RNF17: variants seen among roughly 807,000 people sequenced by gnomAD.
The protein encoded by RNF17 is ring finger protein 17.
In RNF17, 31 loss-of-function variants were observed where a neutral mutation model predicts 200.5. The observed-to-expected ratio is 0.15, with a 90% CI of 0.12 to 0.21. The LOEUF is 0.21. Ranked by LOEUF, RNF17 falls within the 10% of genes least tolerant of loss-of-function variation. The pLI, the probability that RNF17 is intolerant of heterozygous loss-of-function variation, is 1.00. For missense variants in RNF17, 1,628 were observed against 1,905.1 expected, an observed-to-expected ratio of 0.85 and a Z score of 2.71; for synonymous variants, 606 against 637.8, an observed-to-expected ratio of 0.95 and a Z score of 0.75.
At chr13:24,748,458 T>C in the RNF17 span, among the ~76,000 whole-genome samples, 1 of 152,254 alleles carries the variant, frequency 6.6e-6, no homozygotes, top group Non-Finnish European at 1.5e-5. Context: ...ATAGTGAATG[T>C]TCAAGACAAA....
chr13:24,757,458 G>A, the RNF17 span, among the ~76,000 whole-genome samples: 1 of 151,986 alleles, frequency 6.6e-6, no homozygotes, highest in African/African-American at 2.4e-5. Context: ...TGAGTAGGTG[G>A]GACTACAGGT....
rs766558001 is a variant in RNF17, at chr13:24,854,013, A to G, written c.3479A>G (p.Gln1160Arg). ...IISEQKVSEF[Q>R]EKILEPRTTR... ...AGTGAACAGAAAGTGTCTGAATTTC[A>G]GGAGAAAATTCTAGAACCAAGAACC... The change falls in exon 25 of 36, where the codon CAG becomes CGG. Residue 1160 changes from glutamine (Q) to arginine (R), a missense_variant. Gln to Arg is a conservative substitution (Grantham distance 43, BLOSUM62 1). This residue lies in a region of RNF17 where 609 missense variants were observed against 681.9 expected (regional missense o/e 0.89). Transcript: ENST00000255324. The G allele has an allele frequency of 2.5e-6, 4 of 1,614,052 alleles. No homozygotes were observed. In the African/African-American group the frequency reaches 4.0e-5, roughly 16 times the overall value.
At chr13:24,836,125 C>G (rs1436274625) in intron 18 of RNF17, among the ~76,000 whole-genome samples, 1 of 152,170 alleles carries the variant, frequency 6.6e-6, no homozygotes, top group Non-Finnish European at 1.5e-5. Context: ...AAAATATGAA[C>G]AAAGCCTCCA....
Position 24,864,912 on chromosome 13 carries a change from C to A in RNF17, c.4015C>A (p.Leu1339Ile). The change falls in exon 29 of 36, where the codon CTC becomes ATC. Residue 1339 changes from leucine to isoleucine, a missense_variant. By Grantham distance (5) the Leu-to-Ile change is conservative. Around this residue, in one of 5 missense-constraint regions of RNF17, gnomAD observed 609 missense variants for 681.9 expected, o/e 0.89. Transcript: ENST00000255324. ...TCCATGGGAGAAATTGTCTATTCAC[C>A]TCTATTTTGATGGAATGTCACTTTC... Reference protein sequence around the residue: ...KNPWEKLSIHLYFDGMSLSYF... With the variant: ...KNPWEKLSIHIYFDGMSLSYF... 1 of 1,561,470 alleles carries A rather than the reference C, an allele frequency of 6.4e-7. No individual in the cohort carries two copies. The highest frequency in any genetic ancestry group is 8.7e-7 in the Non-Finnish European group (1 of 1,143,922).
chr13:24,775,285 G>A (rs900802222), intron 3 of RNF17, among the ~76,000 whole-genome samples: 1 of 152,158 alleles, frequency 6.6e-6, no homozygotes, highest in African/African-American at 2.4e-5. Context: ...GTCTCACTCT[G>A]TCACCCAGGC....
chr13:24,799,313 G>C (rs1884969237), intron 11 of RNF17, 82 bp from the exon 12 acceptor site: 8 of 1,038,130 alleles, frequency 7.7e-6, no homozygotes, highest in Middle Eastern at 3.0e-4. Flanking sequence ...ACTTTTTCGT[G>C]GTAGAACTAA....
chr13:24,881,921 T>G (rs199857482), downstream of RNF17, among the ~76,000 whole-genome samples: 337 of 43,040 alleles, frequency 7.8e-3, 15 homozygotes, highest in African/African-American at 0.018. Flanking sequence ...GATACATCTA[T>G]ATAGATATAT....
chr13:24,882,187 GATAT>G (rs1439669811), downstream of RNF17: 264 of 8,944 alleles, frequency 0.03, 87 homozygotes, highest in Middle Eastern at 0.33. Flanking sequence ...CATCTATATA[GATAT>G]ATAGATACAT....
chr13:24,812,686 T>TCCCC (rs1886857916), intron 15 of RNF17, among the ~76,000 whole-genome samples: 11 of 13,058 alleles, frequency 8.4e-4, no homozygotes, highest in African/African-American at 2.6e-3. Context: ...CCCACCCCCT[T>TCCCC]TTTTTTTTTT....
At chr13:24,765,174 C>G (rs1164850988) in intron 1 of RNF17, among the ~76,000 whole-genome samples, 2 of 152,126 alleles carry the variant, frequency 1.3e-5, no homozygotes, top group African/African-American at 4.8e-5. Context: ...CGCCACCACG[C>G]CCGGCTAATT....
intron 8 of RNF17, 58 bp downstream of exon 8, chr13:24,789,482 A>G: frequency 8.3e-7 from 1 of 1,203,110 alleles, no homozygotes; most frequent in South Asian, 1.3e-5. Context: ...TGGAACTTAA[A>G]TGTATTAAAA....
chr13:24,812,703 A>C (rs1326631390), intron 15 of RNF17, among the ~76,000 whole-genome samples: 2 of 101,936 alleles, frequency 2.0e-5, no homozygotes, highest in Non-Finnish European at 3.5e-5. Context: ...TTTTTTTGAG[A>C]CGCAGTCTCG....
At chr13:24,853,028 C>A (rs1361018478) in intron 24 of RNF17, among the ~76,000 whole-genome samples, 1 of 152,222 alleles carries the variant, frequency 6.6e-6, no homozygotes, top group Non-Finnish European at 1.5e-5. Context: ...ATTCTCGCAC[C>A]TCAGCCTCCC....
intron 15 of RNF17, among the ~76,000 whole-genome samples, chr13:24,806,695 T>A (rs1342830349): frequency 6.6e-6 from 1 of 151,980 alleles, no homozygotes; most frequent in Non-Finnish European, 1.5e-5. Flanking sequence ...ATGTGCACAA[T>A]GTGCAGGTTA....
rs556117813 is a variant in RNF17, at chr13:24,838,699, C to T, written c.2483-3342C>T. On this transcript the variant is annotated intron_variant, in intron 18 of 35. Transcript: ENST00000255324. ...TGTAATAAAAGCCATCTATGACAAA[C>T]CCACAGCCAACGTAATTCTGAATGG... 3.3e-5 allele frequency among the ~76,000 whole-genome samples: 5 copies of T among 152,254 alleles called. No individual in the cohort carries two copies. In the East Asian group the frequency reaches 7.7e-4, roughly 24 times the overall value.
chr13:24,860,397 A>G (rs1369783013), intron 26 of RNF17, among the ~76,000 whole-genome samples: 1 of 152,020 alleles, frequency 6.6e-6, no homozygotes, highest in Non-Finnish European at 1.5e-5. Flanking sequence ...GTCACTTTAC[A>G]TTTTTAGTAT....
At chr13:24,827,712 AAAAAAC>A (rs1260714958) in intron 16 of RNF17, among the ~76,000 whole-genome samples, 10,079 of 119,214 alleles carry the variant, frequency 0.085, 1,715 homozygotes, top group Non-Finnish European at 0.11. Flanking sequence ...AAAAAAAAAA[AAAAAAC>A]AAAAAAAAAA....
At chr13:24,887,868 G>C in the RNF17 span, among the ~76,000 whole-genome samples, 2 of 152,138 alleles carry the variant, frequency 1.3e-5, no homozygotes, top group Admixed American at 6.5e-5. Flanking sequence ...GACTTGCTCA[G>C]TGCAGAGTTG....
At chr13:24,793,393 T>C in intron 10 of RNF17, 47 bp downstream of exon 10, 1 of 1,487,604 alleles carries the variant, frequency 6.7e-7, no homozygotes, top group Non-Finnish European at 9.0e-7. Context: ...GTATCTGTAA[T>C]TAGACACAGT....
Sources: allele counts gnomAD v4.1 joint callset (sites outside exome capture counted in the v4.1 genomes callset), GRCh38; gene constraint gnomAD v4.1.1; regional missense constraint gnomAD v4.1.1; transcripts MANE v1.5; gene names NCBI Gene and HGNC (gene_info 2026-07-23, HGNC 2026-07-21).